The following PTPRD variants were observed in gnomAD, a reference collection of about 807,000 sequenced individuals.
PTPRD encodes the protein protein tyrosine phosphatase receptor type D.
Under a neutral mutation model 214.5 loss-of-function variants are expected in PTPRD, and 34 were observed. The ratio of observed to expected loss-of-function variants is 0.16; its 90% CI spans 0.12 to 0.21. The LOEUF is 0.21. Among genes scored for constraint, PTPRD ranks in the 10% least tolerant of loss-of-function variants. The probability of loss-of-function intolerance (pLI) is 1.00; values close to 1 mark genes in which losing one functional copy is unlikely to be tolerated. For missense variants in PTPRD, 2,545 were observed against 2,398.7 expected (o/e 1.06, Z -1.27); for synonymous variants, 1,128 against 845.7 (o/e 1.33, Z -5.79).
chr9:9,337,512 TG>T (rs2045028696), intron 9 of PTPRD, among the ~76,000 whole-genome samples: 1 of 152,212 alleles, frequency 6.6e-6, no homozygotes, highest in Non-Finnish European at 1.5e-5. Context: ...CTTAGAGTTA[TG>T]TTTCTCACTT....
Position 9,482,731 on chromosome 9 carries a change from A to G in PTPRD, c.-236-85249T>C, listed in dbSNP as rs114192368. Reference sequence around the variant, plus strand: ...AAAATAAGCTTGTTTATAAACAGAAATTACAAATATTCACAGAAGATAATT... The same window carrying G: ...AAAATAAGCTTGTTTATAAACAGAAGTTACAAATATTCACAGAAGATAATT... On this transcript the variant is annotated intron_variant, in intron 8 of 45. Coordinates refer to ENST00000381196, the MANE Select transcript of PTPRD (RefSeq NM_002839.4). Among the ~76,000 whole-genome samples, 970 of 152,320 alleles carry G rather than the reference A, an allele frequency of 6.4e-3. 9 individuals are homozygous for G. The highest frequency in any genetic ancestry group is 0.022 in the African/African-American group (916 of 41,568).
intron 3 of PTPRD, among the ~76,000 whole-genome samples, chr9:10,217,006 T>G (rs2099544664): frequency 5.9e-5 from 9 of 151,976 alleles, no homozygotes; most frequent in Admixed American, 5.9e-4. Context: ...GTTATTGGCC[T>G]GCAACTATAA....
rs71500958 is a variant in PTPRD, at chr9:8,483,778, CAAAACAAAAACA to C, written c.3413+329_3413+340del. 6.5e-4 allele frequency among the ~76,000 whole-genome samples: 98 copies of C among 151,474 alleles called. 1 individual carries two copies. The highest frequency in any genetic ancestry group is 6.5e-4 in the Non-Finnish European group (44 of 67,890). ...TGGGTGACAGGGCGAGACTCCGTCT[CAAAACAAAAACA>C]AAAACAAAAACAAAAACAAACAAAC... On this transcript the variant is annotated intron_variant, in intron 30 of 45. Coordinates refer to ENST00000381196, the MANE Select transcript of PTPRD (RefSeq NM_002839.4).
intron 9 of PTPRD, among the ~76,000 whole-genome samples, chr9:9,340,685 T>C (rs776080708): frequency 1.3e-5 from 2 of 152,212 alleles, no homozygotes; most frequent in Non-Finnish European, 2.9e-5. Flanking sequence ...TGGAAAGCTG[T>C]TGGACATGCT....
intron 5 of PTPRD, among the ~76,000 whole-genome samples, chr9:9,890,192 T>C (rs995734857): frequency 1.3e-5 from 2 of 152,004 alleles, no homozygotes; most frequent in Admixed American, 1.3e-4. Context: ...TTACTAAATA[T>C]CCTATTAACA....
chr9:8,491,096 G>A (rs1259049839), intron 27 of PTPRD, among the ~76,000 whole-genome samples: 1 of 152,250 alleles, frequency 6.6e-6, no homozygotes, highest in Non-Finnish European at 1.5e-5. Context: ...CGCTCTTAAA[G>A]GAATTAAATT....
chr9:9,947,902 A>T (rs577496345), intron 4 of PTPRD, among the ~76,000 whole-genome samples: 20 of 151,706 alleles, frequency 1.3e-4, no homozygotes, highest in African/African-American at 4.8e-4. Context: ...GAATCAAGAA[A>T]GACAGCCTTA....
At chr9:10,385,740 T>A (rs1280456835) in intron 2 of PTPRD, among the ~76,000 whole-genome samples, 4 of 151,818 alleles carry the variant, frequency 2.6e-5, no homozygotes, top group African/African-American at 9.7e-5. Flanking sequence ...TATGAAACTT[T>A]CCAGCTTAGT....
At chr9:10,443,546 A>T in intron 2 of PTPRD, among the ~76,000 whole-genome samples, 1 of 151,732 alleles carries the variant, frequency 6.6e-6, no homozygotes, top group East Asian at 1.9e-4. Flanking sequence ...TTCTCTTTCA[A>T]ATACACTCCA....
In PTPRD at chr9:9,897,351, C is replaced by A. The variant is rs567645228; in HGVS notation, c.-368+41156G>T. Among the ~76,000 whole-genome samples the A allele has an allele frequency of 3.8e-4, 58 of 151,850 alleles. No homozygotes were observed. The South Asian group carries it at 0.01, about 27-fold the overall frequency. On this transcript the variant is annotated intron_variant, in intron 5 of 45. Transcript: ENST00000381196. ...AATATATAAAGACAGTATTATGAAC[C>A]TACACACTTCCACCAAGAGTTTTTA...
chr9:8,825,517 T>C (rs920787294), intron 11 of PTPRD, among the ~76,000 whole-genome samples: 14 of 152,202 alleles, frequency 9.2e-5, no homozygotes, highest in East Asian at 5.8e-4. Flanking sequence ...AAAGCTGTAA[T>C]AGCTTAAAAG....
chr9:9,466,228 G>C (rs536196919), intron 8 of PTPRD, among the ~76,000 whole-genome samples: 2 of 152,026 alleles, frequency 1.3e-5, no homozygotes, highest in South Asian at 2.1e-4. Flanking sequence ...AGGATTGCTT[G>C]GGCCTAGGAG....
chr9:8,740,198 A>G (rs1031410628), intron 11 of PTPRD, among the ~76,000 whole-genome samples: 7 of 152,226 alleles, frequency 4.6e-5, no homozygotes, highest in Non-Finnish European at 8.8e-5. Context: ...GGGAAGATCA[A>G]TAAGTGGTTG....
intron 43 of PTPRD, among the ~76,000 whole-genome samples, chr9:8,337,478 A>G (rs534575300): frequency 1.3e-5 from 2 of 152,222 alleles, no homozygotes; most frequent in South Asian, 2.1e-4. Flanking sequence ...GAACGATAGC[A>G]TTAGGAGAAA....
chr9:9,351,136 C>A (rs2050944459), intron 9 of PTPRD, among the ~76,000 whole-genome samples: 2 of 151,980 alleles, frequency 1.3e-5, no homozygotes, highest in South Asian at 4.1e-4. Context: ...ATATTCCCAC[C>A]ACCGAGCTTT....
At chr9:10,582,051 A>T (rs1352387178) in intron 2 of PTPRD, among the ~76,000 whole-genome samples, 2 of 152,168 alleles carry the variant, frequency 1.3e-5, no homozygotes, top group African/African-American at 4.8e-5. Context: ...CAGCCATGAC[A>T]AGTTAAGTTT....
intron 8 of PTPRD, among the ~76,000 whole-genome samples, chr9:9,415,424 A>G (rs2076706402): frequency 6.6e-6 from 1 of 152,210 alleles, no homozygotes; most frequent in African/African-American, 2.4e-5. Flanking sequence ...CAGTGAGCCA[A>G]GAATGCGCCA....
intron 14 of PTPRD, among the ~76,000 whole-genome samples, chr9:8,531,666 G>A (rs1342442049): frequency 6.6e-6 from 1 of 152,022 alleles, no homozygotes; most frequent in East Asian, 1.9e-4. Context: ...TCTCTCCCAT[G>A]GTGTTTAAGT....
At chr9:10,380,873 C>G (rs1394596374) in intron 2 of PTPRD, among the ~76,000 whole-genome samples, 1 of 151,868 alleles carries the variant, frequency 6.6e-6, no homozygotes, top group Non-Finnish European at 1.5e-5. Context: ...ATGCTATGAT[C>G]AGAATAGTTT....
Sources: gnomAD v4.1 joint callset for allele counts (sites outside exome capture counted in the v4.1 genomes callset) on GRCh38, gnomAD v4.1.1 for gene constraint, MANE v1.5 for transcripts, NCBI Gene and HGNC (gene_info 2026-07-23, HGNC 2026-07-21) for gene names.